MED13L: variants seen among roughly 807,000 people sequenced by gnomAD.
The protein encoded by MED13L is mediator of RNA polymerase II transcription subunit 13-like.
Under a neutral mutation model 220.9 loss-of-function variants are expected in MED13L, and 7 were observed. That is an observed-to-expected ratio of 0.03 (90% CI 0.02 to 0.06). The LOEUF is 0.06. Among genes scored for constraint, MED13L ranks in the 10% least tolerant of loss-of-function variants. The pLI, the probability that MED13L is intolerant of heterozygous loss-of-function variation, is 1.00. For synonymous variants in MED13L, 1,011 were observed against 1,015.2 expected (o/e 1.00, Z 0.08); for missense variants, 1,965 against 2,760.5 (o/e 0.71, Z 6.46).
intron 1 of MED13L, among the ~76,000 whole-genome samples, chr12:116,255,647 T>G (rs1486210067): frequency 6.6e-6 from 1 of 152,244 alleles, no homozygotes; most frequent in Non-Finnish European, 1.5e-5. Context: ...ATCCAGGATA[T>G]TCCAAGAATT....
intron 12 of MED13L, 91 bp from the exon 13 acceptor site, chr12:116,006,084 T>C: frequency 6.5e-7 from 1 of 1,539,836 alleles, no homozygotes; most frequent in South Asian, 1.1e-5. Context: ...GAACATGACC[T>C]GCCTGTGAGT....
intron 2 of MED13L, among the ~76,000 whole-genome samples, chr12:116,179,685 A>C (rs1218216905): frequency 1.1e-5 from 1 of 87,100 alleles, no homozygotes. Context: ...TGAGCAGTGA[A>C]TAACCTTTTT....
intron 2 of MED13L, among the ~76,000 whole-genome samples, chr12:116,212,121 C>A (rs969586471): frequency 2.6e-5 from 4 of 151,928 alleles, no homozygotes; most frequent in Non-Finnish European, 5.9e-5. Flanking sequence ...AGTGAAATAA[C>A]ATATAACAAA....
chr12:115,982,678 T>C (rs1030913083), intron 21 of MED13L, 75 bp from the exon 22 acceptor site: 28 of 1,235,504 alleles, frequency 2.3e-5, no homozygotes, highest in Admixed American at 1.9e-4. Context: ...AAGGGCTCAA[T>C]TCTAGAGCAC....
chr12:116,110,079 A>C (rs1021162702), intron 3 of MED13L: 1 of 152,132 alleles, frequency 6.6e-6, no homozygotes, highest in Non-Finnish European at 1.5e-5. Context: ...GAGACGTAAA[A>C]AGTTTTTCTC....
At chr12:116,103,756 A>G (rs1457910121) in intron 3 of MED13L, among the ~76,000 whole-genome samples, 3 of 152,194 alleles carry the variant, frequency 2.0e-5, no homozygotes. Flanking sequence ...TGTCTCTTTC[A>G]TTAAAGTATA....
chr12:116,249,253 A>G (rs147801519), intron 1 of MED13L, among the ~76,000 whole-genome samples: 341 of 152,336 alleles, frequency 2.2e-3, no homozygotes, highest in African/African-American at 7.8e-3. Flanking sequence ...ACCATACCTC[A>G]TAAGGAGGAA....
intron 2 of MED13L, among the ~76,000 whole-genome samples, chr12:116,217,255 G>GTTTC (rs1035891567): frequency 5.3e-5 from 8 of 152,202 alleles, no homozygotes; most frequent in Admixed American, 2.6e-4. Context: ...TGAAACAGGA[G>GTTTC]CCCAATGTGA....
intron 2 of MED13L, among the ~76,000 whole-genome samples, chr12:116,200,360 T>C (rs1331990897): frequency 1.3e-5 from 2 of 152,156 alleles, no homozygotes; most frequent in Non-Finnish European, 2.9e-5. Context: ...TCATCACACA[T>C]TGCAAGACAT....
chr12:116,120,623 A>C (rs1357475506), intron 2 of MED13L, among the ~76,000 whole-genome samples: 1 of 151,972 alleles, frequency 6.6e-6, no homozygotes, highest in East Asian at 1.9e-4. Context: ...TAGACTGAGA[A>C]GAAAAACGAC....
chr12:116,050,529 C>A (rs1357373362), intron 4 of MED13L, among the ~76,000 whole-genome samples: 1 of 152,120 alleles, frequency 6.6e-6, no homozygotes, highest in Non-Finnish European at 1.5e-5. Flanking sequence ...ACTTCTCCCC[C>A]TGAATTAAAA....
chr12:116,226,180 CA>C (rs1365116446), intron 2 of MED13L, among the ~76,000 whole-genome samples: 3 of 147,762 alleles, frequency 2.0e-5, no homozygotes, highest in Admixed American at 6.8e-5. Flanking sequence ...TATCACAGCA[CA>C]AAAAAAAGAG....
chr12:115,961,726 T>C (rs977982902), intron 30 of MED13L: 9 of 376,916 alleles, frequency 2.4e-5, no homozygotes, highest in Non-Finnish European at 3.6e-5. Context: ...CCCAGCAACT[T>C]TGGGAGGCCG....
At chr12:116,097,953 CAT>C (rs1872745529) in intron 3 of MED13L, among the ~76,000 whole-genome samples, 1 of 152,120 alleles carries the variant, frequency 6.6e-6, no homozygotes, top group Admixed American at 6.6e-5. Flanking sequence ...ATTTTAAAAA[CAT>C]AAAAATGAGG....
intron 2 of MED13L, among the ~76,000 whole-genome samples, chr12:116,169,625 C>A (rs1464477873): frequency 1.3e-5 from 2 of 152,160 alleles, no homozygotes; most frequent in South Asian, 2.1e-4. Flanking sequence ...ACATTAATAA[C>A]CTTTTCAGTT....
chr12:116,089,012 T>C (rs1871961066), intron 4 of MED13L, among the ~76,000 whole-genome samples: 1 of 152,028 alleles, frequency 6.6e-6, no homozygotes. Flanking sequence ...GCAATTATTG[T>C]AAGCAGCTTA....
At chr12:116,249,203 C>A (rs1464931388) in intron 1 of MED13L, among the ~76,000 whole-genome samples, 2 of 152,214 alleles carry the variant, frequency 1.3e-5, no homozygotes, top group African/African-American at 4.8e-5. Flanking sequence ...AGAAAAAACA[C>A]TGTTAAACAC....
At position 116,022,588 on chromosome 12, in the gene MED13L, A is replaced by G; in HGVS notation, c.493T>C (p.Cys165Arg). The G allele has an allele frequency of 6.2e-7, 1 of 1,612,346 alleles. No individual in the cohort carries two copies. Residue 165 changes from cysteine (C) to arginine (R), a missense_variant, in exon 5 of 31, where the codon TGT becomes CGT. By Grantham distance (180) the Cys-to-Arg change is radical. Transcript: ENST00000281928. ...KPVNKSEHLSCAFTFFLHGES... is the reference protein window; with the variant it reads ...KPVNKSEHLSRAFTFFLHGES... ...CCATGCAGAAAGAATGTGAAAGCACAGGACAAATGCTCACTACAAAAGAGA... is the reference window on the plus strand; with the variant it reads ...CCATGCAGAAAGAATGTGAAAGCACGGGACAAATGCTCACTACAAAAGAGA...
intron 2 of MED13L, among the ~76,000 whole-genome samples, chr12:116,211,810 T>C (rs1882713752): frequency 2.0e-5 from 3 of 152,222 alleles, no homozygotes; most frequent in Admixed American, 1.3e-4. Flanking sequence ...CTGCTGCCTG[T>C]ATCATTTTAA....
Sources: allele counts gnomAD v4.1 joint callset (sites outside exome capture counted in the v4.1 genomes callset), GRCh38; gene constraint gnomAD v4.1.1; transcripts MANE v1.5; gene names NCBI Gene and HGNC (gene_info 2026-07-23, HGNC 2026-07-21).